Variants in GRM8 observed in about 807,000 individuals in gnomAD.
The protein encoded by GRM8 is glutamate metabotropic receptor 8.
A neutral mutation model predicts 87.2 loss-of-function variants in GRM8; 47 were observed. The observed-to-expected ratio is 0.54, with a 90% CI of 0.43 to 0.69. The LOEUF is 0.69. Ranked by LOEUF, GRM8 falls within the 30% of genes least tolerant of loss-of-function variation. The pLI, the probability that GRM8 is intolerant of heterozygous loss-of-function variation, is 0.00. For missense variants in GRM8, 1,019 were observed against 1,139.2 expected, an observed-to-expected ratio of 0.89 and a Z score of 1.52; for synonymous variants, 396 against 404.5, an observed-to-expected ratio of 0.98 and a Z score of 0.25.
chr7:126,697,096 CATT>C (rs1809463247), intron 7 of GRM8, among the ~76,000 whole-genome samples: 1 of 146,754 alleles, frequency 6.8e-6, no homozygotes, highest in Non-Finnish European at 1.5e-5. Flanking sequence ...ACCTGGAAGA[CATT>C]ATGCTAAGTG....
intron 7 of GRM8, among the ~76,000 whole-genome samples, chr7:126,706,953 TG>T (rs1458782987): frequency 6.6e-6 from 1 of 152,104 alleles, no homozygotes; most frequent in Non-Finnish European, 1.5e-5. Context: ...CATGCCTACC[TG>T]GCCACCTTAT....
intron 7 of GRM8, among the ~76,000 whole-genome samples, chr7:126,663,343 A>C (rs1805408876): frequency 6.6e-6 from 1 of 152,216 alleles, no homozygotes; most frequent in South Asian, 2.1e-4. Flanking sequence ...CAAAGAAAAA[A>C]GAAAACTACA....
At chr7:126,905,078 T>G (rs1309304392) in intron 3 of GRM8, among the ~76,000 whole-genome samples, 1 of 152,198 alleles carries the variant, frequency 6.6e-6, no homozygotes, top group Non-Finnish European at 1.5e-5. Context: ...CCTTATTAAG[T>G]AGCAAAGTCC....
chr7:127,075,222 G>A (rs1273330853), intron 3 of GRM8, among the ~76,000 whole-genome samples: 2 of 152,138 alleles, frequency 1.3e-5, no homozygotes, highest in African/African-American at 4.8e-5. Flanking sequence ...TTCACCAGGT[G>A]AGGCTTTAAG....
intron 3 of GRM8, among the ~76,000 whole-genome samples, chr7:127,041,876 G>C (rs1818460901): frequency 6.6e-6 from 1 of 152,164 alleles, no homozygotes; most frequent in South Asian, 2.1e-4. Context: ...GGTTGATACA[G>C]CTGAGCCCTG....
chr7:126,466,474 C>T (rs1804513426), intron 9 of GRM8, among the ~76,000 whole-genome samples: 1 of 151,992 alleles, frequency 6.6e-6, no homozygotes, highest in Admixed American at 6.6e-5. Flanking sequence ...TCTCCAAATA[C>T]CAATTTCCTA....
chr7:127,188,930 C>A (rs1794879078), intron 2 of GRM8, among the ~76,000 whole-genome samples: 1 of 152,240 alleles, frequency 6.6e-6, no homozygotes, highest in Non-Finnish European at 1.5e-5. Flanking sequence ...CACATAAACA[C>A]TGAGCCTCCA....
At chr7:126,713,507 A>C (rs1811353892) in intron 7 of GRM8, among the ~76,000 whole-genome samples, 1 of 152,040 alleles carries the variant, frequency 6.6e-6, no homozygotes, top group African/African-American at 2.4e-5. Context: ...CAGGGTTTAA[A>C]ACCTAGCTGA....
At chr7:126,508,666 TG>T (rs1362691869) in intron 9 of GRM8, among the ~76,000 whole-genome samples, 1 of 152,102 alleles carries the variant, frequency 6.6e-6, no homozygotes, top group Non-Finnish European at 1.5e-5. Flanking sequence ...GTGTTATAAA[TG>T]ATCCTTCCAA....
intron 6 of GRM8, among the ~76,000 whole-genome samples, chr7:126,851,808 C>T (rs988894046): frequency 1.3e-5 from 2 of 152,118 alleles, no homozygotes; most frequent in Non-Finnish European, 2.9e-5. Flanking sequence ...TCCAGATTAC[C>T]CTGCTTTATT....
chr7:126,776,937 A>T (rs1819542192), intron 6 of GRM8, among the ~76,000 whole-genome samples: 1 of 152,180 alleles, frequency 6.6e-6, no homozygotes, highest in African/African-American at 2.4e-5. Context: ...ATCTTCAAGT[A>T]AGTGTGACAG....
At chr7:127,051,385 AG>A (rs1819454338) in intron 3 of GRM8, among the ~76,000 whole-genome samples, 1 of 152,022 alleles carries the variant, frequency 6.6e-6, no homozygotes, top group Admixed American at 6.5e-5. Context: ...CTAAAATAAA[AG>A]TTTAAACAAA....
chr7:126,612,958 T>G (rs1419479), intron 7 of GRM8, among the ~76,000 whole-genome samples: 48,683 of 152,158 alleles, frequency 0.32, 8,419 homozygotes, highest in East Asian at 0.43. Flanking sequence ...TATCTGTGAA[T>G]GGGCTCTGAG....
chr7:126,480,019 C>T (rs517), intron 9 of GRM8, among the ~76,000 whole-genome samples: 489 of 152,086 alleles, frequency 3.2e-3, no homozygotes, highest in Non-Finnish European at 4.9e-3. Context: ...TCAATCTAAC[C>T]GTATTACAAA....
intron 2 of GRM8, among the ~76,000 whole-genome samples, chr7:127,177,857 A>C (rs995122368): frequency 1.3e-5 from 2 of 152,224 alleles, no homozygotes; most frequent in African/African-American, 4.8e-5. Flanking sequence ...AACAGCATTC[A>C]GCCCTAGATC....
chr7:126,518,072 G>A (rs1395391710), intron 9 of GRM8, among the ~76,000 whole-genome samples: 1 of 152,052 alleles, frequency 6.6e-6, no homozygotes, highest in African/African-American at 2.4e-5. Context: ...TGTCATGACA[G>A]GACTGCTTAG....
At chr7:127,020,412 C>A (rs2132210293) in intron 3 of GRM8, among the ~76,000 whole-genome samples, 1 of 152,106 alleles carries the variant, frequency 6.6e-6, no homozygotes, top group African/African-American at 2.4e-5. Flanking sequence ...CTTGAACCAG[C>A]ACAGAAATAA....
intron 7 of GRM8, among the ~76,000 whole-genome samples, chr7:126,745,143 T>C (rs1405267554): frequency 6.6e-6 from 1 of 151,676 alleles, no homozygotes; most frequent in Non-Finnish European, 1.5e-5. Context: ...GTTTGAGAAC[T>C]GCCGATTTAG....
chr7:126,635,886 G>C (rs1449661132), intron 7 of GRM8, among the ~76,000 whole-genome samples: 1 of 151,996 alleles, frequency 6.6e-6, no homozygotes, highest in African/African-American at 2.4e-5. Flanking sequence ...AACAATATTA[G>C]ATTTCCTAAA....
Sources: allele counts gnomAD v4.1 joint callset (sites outside exome capture counted in the v4.1 genomes callset), GRCh38; gene constraint gnomAD v4.1.1; transcripts MANE v1.5; gene names NCBI Gene and HGNC (gene_info 2026-07-23, HGNC 2026-07-21).